UNC5B: variants seen among roughly 807,000 people sequenced by gnomAD.
UNC5B encodes netrin receptor UNC5B.
In UNC5B, 56 loss-of-function variants were observed where a neutral mutation model predicts 103.7. The observed-to-expected ratio is 0.54, with a 90% CI of 0.44 to 0.67. The LOEUF (loss-of-function observed/expected upper bound fraction) is 0.67, where lower values mean the gene tolerates loss of function less well. Among genes scored for constraint, UNC5B ranks in the 30% least tolerant of loss-of-function variants. The pLI, the probability that UNC5B is intolerant of heterozygous loss-of-function variation, is 0.00. For synonymous variants in UNC5B, 577 were observed against 542.0 expected (o/e 1.06, Z -0.90); for missense variants, 1,194 against 1,284.5 (o/e 0.93, Z 1.08).
intron 2 of UNC5B, among the ~76,000 whole-genome samples, chr10:71,280,726 C>T (rs1771364324): frequency 6.6e-6 from 1 of 152,184 alleles, no homozygotes; most frequent in African/African-American, 2.4e-5. Context: ...TGGGCCTGCC[C>T]CCAGGGTGCC....
chr10:71,221,989 G>GTCA (rs149864220), intron 1 of UNC5B, among the ~76,000 whole-genome samples: 4,855 of 151,480 alleles, frequency 0.032, 217 homozygotes, highest in African/African-American at 0.1. Context: ...ATTCACTACT[G>GTCA]TCATCATCAT....
intron 1 of UNC5B, among the ~76,000 whole-genome samples, chr10:71,273,176 G>A (rs1292266794): frequency 7.2e-5 from 11 of 152,222 alleles, no homozygotes; most frequent in African/African-American, 2.2e-4. Flanking sequence ...GGCGTGAGCC[G>A]CCGCGCCCGG....
At chr10:71,219,158 G>T (rs893090477) in intron 1 of UNC5B, among the ~76,000 whole-genome samples, 1 of 152,084 alleles carries the variant, frequency 6.6e-6, no homozygotes, top group African/African-American at 2.4e-5. Flanking sequence ...TTTTATATGT[G>T]CAGTCTCACT....
At chr10:71,239,275 G>A (rs1055091013) in intron 1 of UNC5B, among the ~76,000 whole-genome samples, 10 of 152,182 alleles carry the variant, frequency 6.6e-5, no homozygotes, top group African/African-American at 2.4e-4. Context: ...GCCTTGGGAA[G>A]GGGAAACATT....
At chr10:71,294,487 C>G (rs1331668778) in intron 13 of UNC5B, among the ~76,000 whole-genome samples, 1 of 152,026 alleles carries the variant, frequency 6.6e-6, no homozygotes, top group Non-Finnish European at 1.5e-5. Flanking sequence ...CTTTAGAAAG[C>G]CCCTGTGGCT....
chr10:71,225,574 G>A (rs557578957), intron 1 of UNC5B, among the ~76,000 whole-genome samples: 2 of 152,344 alleles, frequency 1.3e-5, no homozygotes, highest in Admixed American at 1.3e-4. Flanking sequence ...GTCTGAGCCA[G>A]CACACCATCT....
At chr10:71,260,745 A>T (rs982871401) in intron 1 of UNC5B, among the ~76,000 whole-genome samples, 3 of 152,252 alleles carry the variant, frequency 2.0e-5, no homozygotes, top group African/African-American at 7.2e-5. Flanking sequence ...CGCCAGGGCC[A>T]GAAGACGGGA....
In UNC5B at chr10:71,213,038, G is replaced by T. The variant is rs376078636; in HGVS notation, c.53G>T (p.Cys18Phe). ...GCGCTGCTGCTGGCACTGCTGCTCT[G>T]CTGGGACCCGAGGCTGAGCCAAGCA... ...RGALLLALLL[C>F]WDPRLSQAGT... is the part of the protein sequence containing the mutation. Residue 18 changes from cysteine to phenylalanine, a missense_variant, in exon 1 of 17, where the codon TGC becomes TTC. Transcript: ENST00000335350. This position sits in a 1 kb window ranked among gnomAD's most constrained non-coding sequence, Gnocchi z 4.1. The T allele has an allele frequency of 9.2e-6, 13 of 1,417,058 alleles. No individual in the cohort carries two copies. Among genetic ancestry groups the T allele is most frequent in the Non-Finnish European group, 1.2e-5 (13 of 1,078,952 alleles). 87.8% of individuals were successfully genotyped at this position (1,417,058 alleles called of 1,614,324 possible). A position where few individuals can be genotyped will look rare whatever the true frequency, so the allele number is the denominator to read the frequency against.
At chr10:71,241,528 A>G (rs1564712508) in intron 1 of UNC5B, among the ~76,000 whole-genome samples, 1 of 152,134 alleles carries the variant, frequency 6.6e-6, no homozygotes. Flanking sequence ...GAACACATGT[A>G]TTATCTGAGC....
At chr10:71,289,825 G>T (rs1040307695) in intron 8 of UNC5B, among the ~76,000 whole-genome samples, 5 of 152,218 alleles carry the variant, frequency 3.3e-5, no homozygotes, top group Non-Finnish European at 7.3e-5. Context: ...GATACAGGGG[G>T]ACAGAAGTCG....
chr10:71,278,955 G>A (rs946432269), intron 1 of UNC5B, among the ~76,000 whole-genome samples: 7 of 152,210 alleles, frequency 4.6e-5, no homozygotes, highest in African/African-American at 1.2e-4. Flanking sequence ...GGGCACTGGC[G>A]GTGGCCACAC....
intron 1 of UNC5B, among the ~76,000 whole-genome samples, chr10:71,239,191 A>G (rs1325110142): frequency 6.6e-6 from 1 of 152,172 alleles, no homozygotes; most frequent in East Asian, 1.9e-4. Flanking sequence ...CCTCTCAGCT[A>G]GTAGATACCT....
At chr10:71,216,688 C>T in intron 1 of UNC5B, among the ~76,000 whole-genome samples, 1 of 152,230 alleles carries the variant, frequency 6.6e-6, no homozygotes, top group East Asian at 1.9e-4. Flanking sequence ...TTCTCCTGGA[C>T]CGCAGGTCTA....
intron 1 of UNC5B, among the ~76,000 whole-genome samples, chr10:71,252,495 A>C (rs555037104): frequency 6.6e-6 from 1 of 152,330 alleles, no homozygotes; most frequent in African/African-American, 2.4e-5. Flanking sequence ...CTGGTATTGC[A>C]TTGTACAAAA....
chr10:71,231,029 G>A (rs1483865416), intron 1 of UNC5B, among the ~76,000 whole-genome samples: 1 of 152,230 alleles, frequency 6.6e-6, no homozygotes, highest in African/African-American at 2.4e-5. Flanking sequence ...AGATGCTACA[G>A]CAAGGCAAAT....
At chr10:71,289,063 A>G (rs530994309) in intron 8 of UNC5B, 73 bp downstream of exon 8, 1 of 1,608,482 alleles carries the variant, frequency 6.2e-7, no homozygotes, top group African/African-American at 1.3e-5. Flanking sequence ...TTTTCCCGGG[A>G]TCAGGGTGCA....
chr10:71,298,068 G>A lies in UNC5B; in HGVS notation c.2650G>A (p.Ala884Thr), dbSNP rs1488843667. Residue 884 changes from alanine (A) to threonine (T), a missense_variant, in exon 16 of 17, where the codon GCA (alanine) becomes ACA (threonine). Coordinates refer to ENST00000335350, the MANE Select transcript of UNC5B (RefSeq NM_170744.5). Reference protein sequence around the residue: ...NSRGNDWRMLAQKLSMDRYLN... With the variant: ...NSRGNDWRMLTQKLSMDRYLN... Reference sequence around the variant, plus strand: ...ACGGGGCAATGACTGGCGGATGTTAGCACAGAAGCTCTCTATGGACCGGTG... The same window carrying A: ...ACGGGGCAATGACTGGCGGATGTTAACACAGAAGCTCTCTATGGACCGGTG... The A allele has an allele frequency of 2.5e-6, 4 of 1,611,840 alleles. No individual in the cohort carries two copies. Among genetic ancestry groups the A allele is most frequent in the Non-Finnish European group, 2.5e-6 (3 of 1,179,264 alleles).
chr10:71,239,994 A>G (rs1156884558), intron 1 of UNC5B, among the ~76,000 whole-genome samples: 1 of 152,156 alleles, frequency 6.6e-6, no homozygotes, highest in Non-Finnish European at 1.5e-5. Context: ...GGAGGCAGGA[A>G]AGGCTGGGCT....
In UNC5B at chr10:71,296,617, G is replaced by A. The variant is rs746406364; in HGVS notation, c.2365G>A (p.Ala789Thr). The A allele has an allele frequency of 1.2e-6, 2 of 1,613,948 alleles. No homozygotes were observed. Among genetic ancestry groups the A allele is most frequent in the Non-Finnish European group, 1.7e-6 (2 of 1,180,040 alleles). Residue 789 changes from alanine (A) to threonine (T), a missense_variant, in exon 15 of 17, where the codon GCC becomes ACC. By Grantham distance (58) the Ala-to-Thr change is moderately conservative (BLOSUM62 0). Transcript: ENST00000335350. ...FYHIWSGSQKALHCTFTLERH... is the reference protein window; with the variant it reads ...FYHIWSGSQKTLHCTFTLERH... ...TCACATTTGGAGTGGCAGCCAGAAG[G>A]CCCTCCACTGCACTTTCACCCTGGA... is the stretch of plus-strand genomic sequence containing the variant.
Sources: allele counts gnomAD v4.1 joint callset (sites outside exome capture counted in the v4.1 genomes callset), GRCh38; gene constraint gnomAD v4.1.1; non-coding constraint Gnocchi (gnomAD v3.1); transcripts MANE v1.5; gene names NCBI Gene and HGNC (gene_info 2026-07-23, HGNC 2026-07-21).